Variants in CPQ observed in about 807,000 individuals in gnomAD.
CPQ encodes the protein Ser-Met dipeptidase.
A neutral mutation model predicts 45.7 loss-of-function variants in CPQ; 37 were observed. That is an observed-to-expected ratio of 0.81 (90% CI 0.62 to 1.07). CPQ has a LOEUF of 1.07. Among genes scored for constraint, CPQ ranks in the 50% least tolerant of loss-of-function variants. CPQ has a pLI of 0.00. For synonymous variants in CPQ, 186 were observed against 205.8 expected (o/e 0.90, Z 0.82); for missense variants, 537 against 572.9 (o/e 0.94, Z 0.64).
intron 2 of CPQ, among the ~76,000 whole-genome samples, chr8:96,817,002 T>A (rs1452085602): frequency 6.6e-6 from 1 of 152,158 alleles, no homozygotes; most frequent in African/African-American, 2.4e-5. Flanking sequence ...GGTAAATGAA[T>A]ATTGGCTTCA....
intron 4 of CPQ, among the ~76,000 whole-genome samples, chr8:96,949,241 G>A (rs945455788): frequency 1.5e-5 from 2 of 132,170 alleles, no homozygotes; most frequent in East Asian, 2.1e-4. Flanking sequence ...TACTGTCCTC[G>A]TTTATGTTTT....
intron 1 of CPQ, among the ~76,000 whole-genome samples, chr8:96,715,669 A>T (rs1809664276): frequency 6.6e-6 from 1 of 152,176 alleles, no homozygotes; most frequent in African/African-American, 2.4e-5. Context: ...GGAGTGCAGC[A>T]CTTCACTTTT....
chr8:96,739,232 T>C (rs371502608), intron 1 of CPQ, among the ~76,000 whole-genome samples: 9,671 of 149,544 alleles, frequency 0.065, 378 homozygotes, highest in South Asian at 0.1. Context: ...CATTTTTTCA[T>C]GTGTTTTTTG....
chr8:96,834,992 G>T lies in CPQ; in HGVS notation c.453G>T (p.Leu151=). 1 of 1,613,294 alleles carries T rather than the reference G, an allele frequency of 6.2e-7. No individual in the cohort carries two copies. Among genetic ancestry groups the T allele is most frequent in the Non-Finnish European group, 8.5e-7 (1 of 1,179,672 alleles). ...TPPEGITAEV[L]VVTSFDELQR... The stretch of plus-strand genomic sequence containing the variant: ...TTCTAGGCATTACAGCAGAAGTTCT[G>T]GTGGTGACCTCTTTCGATGAACTGC... Residue 151 remains leucine (L), a synonymous_variant, in exon 3 of 8, where the codon CTG becomes CTT. Transcript: ENST00000220763.
rs145403705 is a variant in CPQ, at chr8:96,907,875, A to G, written c.849+27870A>G. ...TAGGAAAATGTTGGCAGAAGTGCCA[A>G]TATGAATAGTCTTCTAGTTGCTTTT... On this transcript the variant is annotated intron_variant, in intron 4 of 7. Transcript: ENST00000220763. 7.8e-3 allele frequency among the ~76,000 whole-genome samples: 1,182 copies of G among 152,312 alleles called. 12 individuals carry two copies. Among genetic ancestry groups the G allele is most frequent in the African/African-American group, 0.027 (1,104 of 41,568 alleles).
chr8:97,088,446 A>C (rs1811074869), intron 7 of CPQ, among the ~76,000 whole-genome samples: 1 of 152,212 alleles, frequency 6.6e-6, no homozygotes, highest in South Asian at 2.1e-4. Context: ...ACTTTTCTAA[A>C]AAGAAATTTT....
chr8:97,009,145 C>T (rs896338132), intron 5 of CPQ, among the ~76,000 whole-genome samples: 6 of 152,244 alleles, frequency 3.9e-5, no homozygotes, highest in African/African-American at 9.6e-5. Context: ...GCATCAGCAA[C>T]GTCTCCACAG....
At chr8:96,784,399 TGG>T (rs148121237) in intron 1 of CPQ, among the ~76,000 whole-genome samples, 26 of 128,286 alleles carry the variant, frequency 2.0e-4, no homozygotes, top group African/African-American at 6.7e-4. Flanking sequence ...TGTTCTGAGG[TGG>T]GGGGGGGGTT....
intron 5 of CPQ, among the ~76,000 whole-genome samples, chr8:97,001,856 T>C (rs1016417283): frequency 6.6e-6 from 1 of 151,914 alleles, no homozygotes; most frequent in African/African-American, 2.4e-5. Flanking sequence ...ACCAGCTCTT[T>C]GTACATCTGG....
chr8:97,026,710 A>G (rs1028798402), intron 5 of CPQ, among the ~76,000 whole-genome samples: 10 of 152,210 alleles, frequency 6.6e-5, no homozygotes, highest in African/African-American at 2.2e-4. Context: ...TAGTCTTTTT[A>G]GGGCCAGCTG....
In CPQ at chr8:96,645,689, C is replaced by T. The variant is rs551555854; in HGVS notation, c.-35+287C>T. On this transcript the variant is annotated intron_variant, in intron 1 of 7. Transcript: ENST00000220763. ...GGGTGCTGCGGGACAGCAGCGAGCA[C>T]GGCCCTCAGCCGTCCTTCCCAACAC... Among the ~76,000 whole-genome samples, 398 of 152,140 alleles carry T rather than the reference C, an allele frequency of 2.6e-3. 3 individuals are homozygous for T. The highest frequency in any genetic ancestry group is 9.2e-3 in the African/African-American group (381 of 41,514).
intron 3 of CPQ, among the ~76,000 whole-genome samples, chr8:96,874,153 A>G (rs903278626): frequency 1.3e-5 from 2 of 151,874 alleles, no homozygotes; most frequent in African/African-American, 2.4e-5. Context: ...TGGGTGTACT[A>G]TCTTGCAAGC....
Position 97,064,056 on chromosome 8 carries a change from G to A in CPQ, c.1054-1953G>A, listed in dbSNP as rs150743576. ...TTGAATCTGTAAATTGCTTTGGGCA[G>A]TATGACCATTTTAATGATATTGATT... is the stretch of plus-strand genomic sequence containing the variant. On this transcript the variant is annotated intron_variant, in intron 6 of 7. Coordinates refer to ENST00000220763, the MANE Select transcript of CPQ (RefSeq NM_016134.4). 7.4e-4 allele frequency among the ~76,000 whole-genome samples: 112 copies of A among 152,258 alleles called. 4 individuals carry two copies. In the East Asian group the frequency reaches 0.016, roughly 21 times the overall value.
At chr8:96,959,962 G>A (rs1225674497) in intron 4 of CPQ, among the ~76,000 whole-genome samples, 1 of 146,558 alleles carries the variant, frequency 6.8e-6, no homozygotes, top group East Asian at 2.1e-4. Context: ...CAAGATATTT[G>A]TAAAATGAAG....
rs567378997 is a variant in CPQ at position 96,971,393 on chromosome 8, C to T, written c.961+5347C>T. On this transcript the variant is annotated intron_variant, in intron 5 of 7. Coordinates refer to ENST00000220763, the MANE Select transcript of CPQ (RefSeq NM_016134.4). ...TCTGAGTCTATTTTTTCAAAATGAA[C>T]GTAGTATTATTGGAAATATTTGAAA... Among the ~76,000 whole-genome samples the T allele has an allele frequency of 3.3e-5, 5 of 152,210 alleles. No individual in the cohort carries two copies. The South Asian group carries it at 6.2e-4, about 19-fold the overall frequency.
chr8:96,678,404 T>C (rs1809103406), intron 1 of CPQ, among the ~76,000 whole-genome samples: 1 of 152,104 alleles, frequency 6.6e-6, no homozygotes, highest in South Asian at 2.1e-4. Context: ...GTTGATATAC[T>C]GATTTCCTTT....
intron 2 of CPQ, among the ~76,000 whole-genome samples, chr8:96,832,925 G>A (rs1007959179): frequency 4.6e-5 from 7 of 152,106 alleles, no homozygotes; most frequent in Non-Finnish European, 1.0e-4. Flanking sequence ...GTAAAAAGGA[G>A]CCAGGCTGGA....
At chr8:96,907,937 T>A (rs1051268880) in intron 4 of CPQ, among the ~76,000 whole-genome samples, 1 of 152,106 alleles carries the variant, frequency 6.6e-6, no homozygotes, top group Non-Finnish European at 1.5e-5. Context: ...AAATGTGACT[T>A]TTGTCATATA....
intron 3 of CPQ, among the ~76,000 whole-genome samples, chr8:96,874,450 C>G (rs189482512): frequency 3.3e-5 from 5 of 151,818 alleles, no homozygotes; most frequent in African/African-American, 9.6e-5. Context: ...AACCTCATAC[C>G]TATTAATATT....
Sources: gnomAD v4.1 joint callset for allele counts (sites outside exome capture counted in the v4.1 genomes callset) on GRCh38, gnomAD v4.1.1 for gene constraint, MANE v1.5 for transcripts, NCBI Gene and HGNC (gene_info 2026-07-23, HGNC 2026-07-21) for gene names.